The following SLC44A5 variants were observed in gnomAD, a reference collection of about 807,000 sequenced individuals.
SLC44A5 encodes solute carrier family 44 member 5.
A neutral mutation model predicts 101.8 loss-of-function variants in SLC44A5; 57 were observed. That is an observed-to-expected ratio of 0.56 (90% confidence interval 0.45 to 0.70). SLC44A5 has a LOEUF of 0.70. Ranked by LOEUF, SLC44A5 falls within the 30% of genes least tolerant of loss-of-function variation. The pLI is 0.00. For synonymous variants in SLC44A5, 281 were observed against 290.9 expected (o/e 0.97, Z 0.35); for missense variants, 737 against 853.1 (o/e 0.86, Z 1.70).
chr1:75,478,972 C>A (rs1570403133), intron 2 of SLC44A5, among the ~76,000 whole-genome samples: 1 of 152,158 alleles, frequency 6.6e-6, no homozygotes, highest in Admixed American at 6.5e-5. Context: ...CACACCACAC[C>A]TATTCCAAAA....
chr1:75,717,495 C>T, the SLC44A5 span, among the ~76,000 whole-genome samples: 2 of 152,138 alleles, frequency 1.3e-5, no homozygotes, highest in South Asian at 4.1e-4. Context: ...GATCAAAAAA[C>T]TACCTATTGG....
At chr1:75,211,757 C>T (rs1411206908) in intron 22 of SLC44A5, among the ~76,000 whole-genome samples, 1 of 151,704 alleles carries the variant, frequency 6.6e-6, no homozygotes, top group Non-Finnish European at 1.5e-5. Context: ...AATTAACTGC[C>T]TTTTTTTTCC....
intron 4 of SLC44A5, among the ~76,000 whole-genome samples, chr1:75,303,756 T>G (rs1384368337): frequency 1.3e-5 from 2 of 152,152 alleles, no homozygotes; most frequent in East Asian, 3.9e-4. Context: ...AATTCACACC[T>G]TAAGGTGTTT....
At chr1:75,641,909 A>G in the SLC44A5 span, 2 of 1,604,352 alleles carry the variant, frequency 1.2e-6, no homozygotes, top group Non-Finnish European at 1.7e-6. Flanking sequence ...AATTTCCTTC[A>G]TTGGTTTGGA....
At chr1:75,210,060 T>TTC (rs397862677) in intron 23 of SLC44A5, among the ~76,000 whole-genome samples, 1 of 151,690 alleles carries the variant, frequency 6.6e-6, no homozygotes, top group Admixed American at 6.6e-5. Context: ...TTTTTTTTTT[T>TTC]CTCAGAGCCA....
At chr1:75,514,091 C>CT (rs1669703027) in intron 2 of SLC44A5, among the ~76,000 whole-genome samples, 1 of 152,132 alleles carries the variant, frequency 6.6e-6, no homozygotes, top group Non-Finnish European at 1.5e-5. Context: ...GCAATTCGCC[C>CT]TCTTCATCCT....
chr1:75,399,384 C>A (rs1280503764), intron 2 of SLC44A5, among the ~76,000 whole-genome samples: 1 of 152,000 alleles, frequency 6.6e-6, no homozygotes, highest in Admixed American at 6.6e-5. Context: ...GATAAATAAA[C>A]TAAATGAAAT....
At chr1:75,399,657 GA>G (rs1051202751) in intron 2 of SLC44A5, among the ~76,000 whole-genome samples, 1 of 151,674 alleles carries the variant, frequency 6.6e-6, no homozygotes, top group African/African-American at 2.4e-5. Flanking sequence ...AATCTTAACA[GA>G]AAAAAAGCAG....
At chr1:75,458,625 G>A (rs1466945746) in intron 2 of SLC44A5, among the ~76,000 whole-genome samples, 1 of 152,080 alleles carries the variant, frequency 6.6e-6, no homozygotes, top group Non-Finnish European at 1.5e-5. Flanking sequence ...AAAATCAGAA[G>A]AATGTATTCA....
chr1:75,480,084 A>C (rs1464624199), intron 2 of SLC44A5, among the ~76,000 whole-genome samples: 1 of 152,250 alleles, frequency 6.6e-6, no homozygotes, highest in African/African-American at 2.4e-5. Context: ...CCTGGGATGC[A>C]AGGCTGGTTC....
At position 75,380,349 on chromosome 1, in the gene SLC44A5, T is replaced by C. The variant is rs1213859390; in HGVS notation, c.52+16234A>G. Among the ~76,000 whole-genome samples the C allele has an allele frequency of 2.3e-5, 2 of 85,212 alleles. 1 individual carries two copies. Among genetic ancestry groups the C allele is most frequent in the Non-Finnish European group, 4.1e-5 (2 of 48,808 alleles). 55.9% of individuals were successfully genotyped at this position (85,212 alleles called of 152,430 possible). On this transcript the variant is annotated intron_variant, in intron 3 of 23. Transcript: ENST00000370859. ...TAAAAGGAGTTCAAATTCATACTAG[T>C]GTGGTTGATTCAGACTATAAAGGTG...
chr1:75,312,282 G>C (rs151239576), intron 4 of SLC44A5, among the ~76,000 whole-genome samples: 1 of 152,068 alleles, frequency 6.6e-6, no homozygotes, highest in Non-Finnish European at 1.5e-5. Context: ...CCCCAGTCTC[G>C]GGTATGTCTT....
the SLC44A5 span, among the ~76,000 whole-genome samples, chr1:75,626,698 G>A: frequency 0.28 from 42,234 of 151,842 alleles, 7,060 homozygotes; most frequent in East Asian, 0.82. Context: ...TTCTAGCAAC[G>A]CCACTTTTAA....
chr1:75,336,785 G>A (rs970957961), intron 4 of SLC44A5, among the ~76,000 whole-genome samples: 1 of 151,404 alleles, frequency 6.6e-6, no homozygotes, highest in East Asian at 1.9e-4. Flanking sequence ...CAGCATACTT[G>A]GATCCACACC....
At chr1:75,642,001 A>G in the SLC44A5 span, 2 of 1,486,230 alleles carry the variant, frequency 1.3e-6, no homozygotes, top group Non-Finnish European at 9.4e-7. Flanking sequence ...CATCATCTTC[A>G]TCTGCATGGT....
At chr1:75,498,141 C>A (rs59653268) in intron 2 of SLC44A5, among the ~76,000 whole-genome samples, 1,661 of 152,234 alleles carry the variant, frequency 0.011, 26 homozygotes, top group African/African-American at 0.038. Context: ...TACAATAAGA[C>A]TTCTATTTCT....
At chr1:75,698,037 G>T in the SLC44A5 span, among the ~76,000 whole-genome samples, 1 of 152,220 alleles carries the variant, frequency 6.6e-6, no homozygotes, top group African/African-American at 2.4e-5. Flanking sequence ...TAGCACAGCA[G>T]TCTGAGATCA....
chr1:75,543,616 CACATATATATACGTATATAT>C (rs1344991072), intron 1 of SLC44A5, among the ~76,000 whole-genome samples: 2 of 146,420 alleles, frequency 1.4e-5, no homozygotes, highest in African/African-American at 2.5e-5. Context: ...TATACACACA[CACATATATATACGTATATAT>C]ACACATATAT....
chr1:75,529,873 G>T (rs542810682), intron 2 of SLC44A5, among the ~76,000 whole-genome samples: 1 of 152,056 alleles, frequency 6.6e-6, no homozygotes, highest in South Asian at 2.1e-4. Context: ...AATTTCTCCT[G>T]CAAGGGCAGG....
Sources: allele counts gnomAD v4.1 joint callset (sites outside exome capture counted in the v4.1 genomes callset), GRCh38; gene constraint gnomAD v4.1.1; transcripts MANE v1.5; gene names NCBI Gene and HGNC (gene_info 2026-07-23, HGNC 2026-07-21).